IGF2BP3: variants seen among roughly 807,000 people sequenced by gnomAD.
IGF2BP3 encodes the protein insulin like growth factor 2 mRNA binding protein 3.
In IGF2BP3, 9 loss-of-function variants were observed where a neutral mutation model predicts 73.8. The ratio of observed to expected loss-of-function variants is 0.12; its 90% CI spans 0.07 to 0.21. IGF2BP3 has a LOEUF of 0.21. Among genes scored for constraint, IGF2BP3 ranks in the 10% least tolerant of loss-of-function variants. IGF2BP3 has a pLI of 1.00. For synonymous variants in IGF2BP3, 258 were observed against 256.7 expected (o/e 1.01, Z -0.05); for missense variants, 542 against 714.0 (o/e 0.76, Z 2.75).
In IGF2BP3 at chr7:23,355,367, G is replaced by A. The variant is rs571296451; in HGVS notation, c.402-3781C>T. 4.6e-5 allele frequency among the ~76,000 whole-genome samples: 7 copies of A among 151,848 alleles called. No individual in the cohort carries two copies. The South Asian group carries it at 6.3e-4, about 14-fold the overall frequency. The stretch of plus-strand genomic sequence containing the variant: ...CTCCCAAGTAGCTGGGATTACAGGC[G>A]TGTACCACCACACCCAGCTAATTTT... On this transcript the variant is annotated intron_variant, in intron 5 of 14. Transcript: ENST00000258729.
At chr7:23,390,308 C>T (rs919276093) in intron 3 of IGF2BP3, among the ~76,000 whole-genome samples, 2 of 151,862 alleles carry the variant, frequency 1.3e-5, no homozygotes, top group Non-Finnish European at 2.9e-5. Flanking sequence ...TTTTATTCAA[C>T]GAGCCTGTAT....
intron 9 of IGF2BP3, 88 bp from the exon 10 acceptor site, chr7:23,342,277 T>G: frequency 7.2e-7 from 1 of 1,390,186 alleles, no homozygotes; most frequent in Non-Finnish European, 1.0e-6. Flanking sequence ...CAAACTGATC[T>G]CTTGTCTAAT....
In IGF2BP3 at chr7:23,410,156, G is replaced by A. The variant is rs373259217; in HGVS notation, c.285+8620C>T. On this transcript the variant is annotated intron_variant, in intron 3 of 14. Coordinates refer to ENST00000258729, the MANE Select transcript of IGF2BP3 (RefSeq NM_006547.3). ...TGCACTCCAGCCTGGGTGACAGAGC[G>A]ACACTCCATCTTAAAATTTTTTTTA... is the stretch of plus-strand genomic sequence containing the variant. Among the ~76,000 whole-genome samples the A allele has an allele frequency of 6.6e-3, 999 of 151,814 alleles. 3 individuals carry two copies. The highest frequency in any genetic ancestry group is 0.015 in the South Asian group (73 of 4,786).
chr7:23,332,908 G>C (rs1012022047), intron 10 of IGF2BP3, among the ~76,000 whole-genome samples: 1 of 152,162 alleles, frequency 6.6e-6, no homozygotes. Context: ...ATCTCACTAA[G>C]AATGTCCGTA....
intron 10 of IGF2BP3, among the ~76,000 whole-genome samples, chr7:23,323,281 T>A (rs1784208236): frequency 6.7e-6 from 1 of 148,370 alleles, no homozygotes. Context: ...CAGTCTCTGA[T>A]AAAACAGACT....
chr7:23,347,742 T>C lies in IGF2BP3; in HGVS notation c.684-8A>G, dbSNP rs766599912. ...TTACGGTGGACATCGATTCTGATAG[T>C]GGGCGCAAGCAGAGAGGAAAACGAG... is the stretch of plus-strand genomic sequence containing the variant. On this transcript the variant is annotated splice_region_variant and splice_polypyrimidine_tract_variant and intron_variant, in intron 6 of 14. Transcript: ENST00000258729. 1.2e-6 allele frequency: 2 copies of C among 1,613,704 alleles called. No individual in the cohort carries two copies. The highest frequency in any genetic ancestry group is 1.6e-4 in the Middle Eastern group (1 of 6,084).
At chr7:23,395,848 C>T (rs1331141272) in intron 3 of IGF2BP3, among the ~76,000 whole-genome samples, 1 of 151,908 alleles carries the variant, frequency 6.6e-6, no homozygotes, top group African/African-American at 2.4e-5. Flanking sequence ...ACTGCTTGAA[C>T]CTGGGAGGCA....
At chr7:23,380,716 T>C (rs1583964626) in intron 3 of IGF2BP3, among the ~76,000 whole-genome samples, 1 of 152,216 alleles carries the variant, frequency 6.6e-6, no homozygotes, top group Non-Finnish European at 1.5e-5. Context: ...ATCCAATGAC[T>C]AATATCCTTT....
chr7:23,389,796 C>A (rs1444200732), intron 3 of IGF2BP3, among the ~76,000 whole-genome samples: 3 of 146,372 alleles, frequency 2.0e-5, no homozygotes, highest in African/African-American at 5.1e-5. Context: ...GAGTTCAAGA[C>A]CAGCCTGGGC....
chr7:23,319,601 C>A (rs904106735), intron 10 of IGF2BP3, among the ~76,000 whole-genome samples: 3 of 152,132 alleles, frequency 2.0e-5, no homozygotes, highest in Non-Finnish European at 2.9e-5. Flanking sequence ...CCCCCTACCA[C>A]TCTCAAGGTA....
At chr7:23,334,641 T>G (rs1784525499) in intron 10 of IGF2BP3, among the ~76,000 whole-genome samples, 2 of 152,228 alleles carry the variant, frequency 1.3e-5, no homozygotes, top group Admixed American at 1.3e-4. Flanking sequence ...CATAAGCTGC[T>G]TCCCAATGGA....
intron 2 of IGF2BP3, among the ~76,000 whole-genome samples, chr7:23,463,057 T>C (rs1197204649): frequency 6.6e-6 from 1 of 152,206 alleles, no homozygotes; most frequent in Non-Finnish European, 1.5e-5. Context: ...TCTGGAAGCT[T>C]GAATCAGAGG....
At chr7:23,398,320 C>T (rs1786544595) in intron 3 of IGF2BP3, among the ~76,000 whole-genome samples, 1 of 152,162 alleles carries the variant, frequency 6.6e-6, no homozygotes, top group African/African-American at 2.4e-5. Flanking sequence ...CATTGTTGGA[C>T]ATTTGGGTTG....
intron 2 of IGF2BP3, among the ~76,000 whole-genome samples, chr7:23,462,665 G>C (rs1225596665): frequency 6.6e-6 from 1 of 152,000 alleles, no homozygotes; most frequent in East Asian, 1.9e-4. Flanking sequence ...CCTGGCCCAA[G>C]GATATTTCTA....
At chr7:23,427,666 G>A (rs2128540167) in intron 2 of IGF2BP3, among the ~76,000 whole-genome samples, 1 of 152,182 alleles carries the variant, frequency 6.6e-6, no homozygotes, top group East Asian at 1.9e-4. Flanking sequence ...GAGGTCCAGA[G>A]TTCAAGAACA....
intron 3 of IGF2BP3, among the ~76,000 whole-genome samples, chr7:23,395,017 G>C (rs1210009706): frequency 1.5e-4 from 23 of 152,158 alleles, no homozygotes; most frequent in Admixed American, 1.5e-3. Flanking sequence ...GTAATGATGG[G>C]TGTAAGCTCA....
At chr7:23,369,965 G>A (rs1785495083) in intron 3 of IGF2BP3, among the ~76,000 whole-genome samples, 1 of 152,166 alleles carries the variant, frequency 6.6e-6, no homozygotes, top group Non-Finnish European at 1.5e-5. Flanking sequence ...ATGCTTGCCT[G>A]TAGCCTAACA....
In IGF2BP3 at chr7:23,315,298, G is replaced by C. The variant is rs532752856; in HGVS notation, c.1396-1645C>G. Among the ~76,000 whole-genome samples the C allele has an allele frequency of 7.2e-5, 11 of 151,822 alleles. No individual in the cohort carries two copies. In the South Asian group the frequency reaches 2.3e-3, roughly 32 times the overall value. ...AATTTTTGTATTTTTAGTAGAGATG[G>C]AGTTTTGCCATGTAGGCCAGGCTGG... On this transcript the variant is annotated intron_variant, in intron 12 of 14. Coordinates refer to ENST00000258729, the MANE Select transcript of IGF2BP3 (RefSeq NM_006547.3).
At position 23,404,184 on chromosome 7, in the gene IGF2BP3, A is replaced by C. The variant is rs888646904; in HGVS notation, c.285+14592T>G. Among the ~76,000 whole-genome samples the C allele has an allele frequency of 2.6e-5, 4 of 152,130 alleles. No homozygotes were observed. In the East Asian group the frequency reaches 5.8e-4, roughly 22 times the overall value. ...GAGGTTCGCATATTGCTCTGCTCAT[A>C]ATCGACACAACCCACATGTGTGATA... On this transcript the variant is annotated intron_variant, in intron 3 of 14. Coordinates refer to ENST00000258729, the MANE Select transcript of IGF2BP3 (RefSeq NM_006547.3).
Sources: allele counts gnomAD v4.1 joint callset (sites outside exome capture counted in the v4.1 genomes callset), GRCh38; gene constraint gnomAD v4.1.1; transcripts MANE v1.5; gene names NCBI Gene and HGNC (gene_info 2026-07-23, HGNC 2026-07-21).